HHLA1: variants seen among roughly 807,000 people sequenced by gnomAD.
HHLA1 encodes HHLA1 neighbor of OC90.
Under a neutral mutation model 69.9 loss-of-function variants are expected in HHLA1, and 72 were observed. The ratio of observed to expected loss-of-function variants is 1.03; its 90% CI spans 0.85 to 1.25. The LOEUF (loss-of-function observed/expected upper bound fraction) is 1.25, where lower values mean the gene tolerates loss of function less well. Among genes scored for constraint, HHLA1 ranks in the 50% most tolerant of loss-of-function variants. The pLI is 0.00. For missense variants in HHLA1, 685 were observed against 642.2 expected (o/e 1.07, Z -0.72); for synonymous variants, 252 against 233.2 (o/e 1.08, Z -0.73).
intron 11 of HHLA1, among the ~76,000 whole-genome samples, 200 bp from the exon 12 acceptor site, chr8:132,078,171 A>AACAC (rs34612835): frequency 0.067 from 9,701 of 144,414 alleles, 405 homozygotes; most frequent in Middle Eastern, 0.15. Flanking sequence ...AGCACCAATA[A>AACAC]ACACACACAC....
chr8:132,085,934 G>A (rs1322287827), intron 10 of HHLA1, among the ~76,000 whole-genome samples: 3 of 152,014 alleles, frequency 2.0e-5, no homozygotes, highest in Non-Finnish European at 2.9e-5. Flanking sequence ...AGTTACTTCA[G>A]GCCATCTGGG....
At chr8:132,101,580 TA>T (rs1824111656) in intron 3 of HHLA1, among the ~76,000 whole-genome samples, 1 of 118,188 alleles carries the variant, frequency 8.5e-6, no homozygotes, top group Admixed American at 9.8e-5. Flanking sequence ...TCTACCCTAT[TA>T]ATTTTTTTTT....
rs1326898631 is a variant in HHLA1, at chr8:132,077,943, C to A, written c.954G>T (p.Trp318Cys). Reference sequence around the variant, plus strand: ...CCCACGTCTGTCTGTCAGCTGTCAACCACTGAGTTCTGGCCACCCTCCTGG... The same window carrying A: ...CCCACGTCTGTCTGTCAGCTGTCAAACACTGAGTTCTGGCCACCCTCCTGG... ...LATRRVARTQ[W>C]LTADRQTWAS... Residue 318 changes from tryptophan to cysteine, a missense_variant, in exon 12 of 17, where the codon TGG (tryptophan) becomes TGT (cysteine). Trp to Cys is a radical substitution (Grantham distance 215). Coordinates refer to ENST00000414222, the MANE Select transcript of HHLA1 (RefSeq NM_001145095.3). 6 of 1,551,668 alleles carry A rather than the reference C, an allele frequency of 3.9e-6. No individual in the cohort carries two copies. The highest frequency in any genetic ancestry group is 5.2e-6 in the Non-Finnish European group (6 of 1,146,978).
At chr8:132,103,304 A>G (rs946617469) in intron 3 of HHLA1, among the ~76,000 whole-genome samples, 3 of 152,200 alleles carry the variant, frequency 2.0e-5, no homozygotes, top group Admixed American at 1.3e-4. Flanking sequence ...ATGTGAATGT[A>G]CTAATTTAAA....
At chr8:132,088,185 C>T (rs184591297) in intron 8 of HHLA1, among the ~76,000 whole-genome samples, 1 of 152,258 alleles carries the variant, frequency 6.6e-6, no homozygotes, top group Non-Finnish European at 1.5e-5. Flanking sequence ...ATTGCTTGAC[C>T]TCTTCAGGAC....
At chr8:132,076,655 G>A (rs1823650057) in intron 12 of HHLA1, 112 bp from the exon 13 acceptor site, 2 of 566,780 alleles carry the variant, frequency 3.5e-6, no homozygotes, top group South Asian at 3.5e-5. Context: ...GTTAAGCCAG[G>A]TACCAGGCAG....
Position 132,110,258 on chromosome 8 carries a change from G to A in HHLA1, c.-22+844C>T, listed in dbSNP as rs555340495. Among the ~76,000 whole-genome samples the A allele has an allele frequency of 4.6e-5, 7 of 152,246 alleles. No individual in the cohort carries two copies. In the East Asian group the frequency reaches 5.8e-4, roughly 13 times the overall value. On this transcript the variant is annotated intron_variant, in intron 1 of 16. Transcript: ENST00000414222. ...GACACATGTTCTGAGGCATTACGAC[G>A]GTCCGTTCAGCCAGTAACCTTCCAT...
chr8:132,071,679 G>C (rs1823548096), intron 14 of HHLA1, among the ~76,000 whole-genome samples, 186 bp from the exon 15 acceptor site: 1 of 151,874 alleles, frequency 6.6e-6, no homozygotes, highest in Non-Finnish European at 1.5e-5. Flanking sequence ...AGAGTCAGGT[G>C]GAAAGAAGGT....
intron 16 of HHLA1, among the ~76,000 whole-genome samples, chr8:132,064,982 T>A (rs1337289820): frequency 6.6e-6 from 1 of 152,166 alleles, no homozygotes. Flanking sequence ...TATATTTGGG[T>A]TACAGTAAGA....
At chr8:132,089,445 A>G in intron 8 of HHLA1, 71 bp downstream of exon 8, 1 of 829,616 alleles carries the variant, frequency 1.2e-6, no homozygotes, top group Non-Finnish European at 2.1e-6. Flanking sequence ...GAGGAACATA[A>G]TATGCTTCAT....
At chr8:132,109,424 TAAGCATATGAAA>T (rs1586738242) in intron 1 of HHLA1, among the ~76,000 whole-genome samples, 2 of 100,102 alleles carry the variant, frequency 2.0e-5, no homozygotes, top group East Asian at 4.9e-4. Flanking sequence ...AGGACTCCTA[TAAGCATATGAAA>T]AAAAACATTT....
At chr8:132,073,590 C>T (rs896432646) in intron 14 of HHLA1, among the ~76,000 whole-genome samples, 1 of 152,162 alleles carries the variant, frequency 6.6e-6, no homozygotes, top group Non-Finnish European at 1.5e-5. Flanking sequence ...ATCAGTTATG[C>T]AACAGGGAGT....
At chr8:132,110,751 C>A (rs935632113) in intron 1 of HHLA1, among the ~76,000 whole-genome samples, 6 of 152,168 alleles carry the variant, frequency 3.9e-5, no homozygotes, top group Admixed American at 3.9e-4. Context: ...CATTTTTTAG[C>A]GCACTCTTTT....
In HHLA1 at chr8:132,087,780, T is replaced by C. The variant is rs1327398057; in HGVS notation, c.590-41A>G. ...CAACAGGGTCAGATCTTGGGTTTCA[T>C]CTGCTGGACAGTTTTGTCTATTTCT... On this transcript the variant is annotated intron_variant, in intron 9 of 16. Coordinates refer to ENST00000414222, the MANE Select transcript of HHLA1 (RefSeq NM_001145095.3). The C allele has an allele frequency of 7.8e-6, 12 of 1,543,452 alleles. No individual in the cohort carries two copies. In the Middle Eastern group the frequency reaches 5.0e-4, roughly 65 times the overall value.
chr8:132,063,562 T>C lies in HHLA1; in HGVS notation c.*433A>G, dbSNP rs1189215571. The C allele has an allele frequency of 6.5e-6, 1 of 153,972 alleles. No homozygotes were observed. The highest frequency in any genetic ancestry group is 1.9e-4 in the East Asian group (1 of 5,270). 9.5% of individuals were successfully genotyped at this position (153,972 alleles called of 1,614,324 possible). On this transcript the variant is annotated 3_prime_UTR_variant, in exon 17 of 17. Transcript: ENST00000414222. ...ATGAATTCAATATTAATTTATGCTT[T>C]TGTTGTCTTTCAAAAGTCTCAAGTT...
intron 14 of HHLA1, among the ~76,000 whole-genome samples, chr8:132,075,259 C>T (rs957331692): frequency 6.6e-6 from 1 of 152,166 alleles, no homozygotes; most frequent in Admixed American, 6.5e-5. Context: ...GCCCTGTTGA[C>T]ATATGACTGG....
intron 1 of HHLA1, among the ~76,000 whole-genome samples, chr8:132,110,385 A>G (rs531826362): frequency 8.5e-5 from 13 of 152,204 alleles, no homozygotes; most frequent in African/African-American, 3.1e-4. Flanking sequence ...CTGGACTTCA[A>G]ACTTAGGTAG....
At chr8:132,069,133 G>C (rs1163273369) in intron 15 of HHLA1, among the ~76,000 whole-genome samples, 1 of 152,168 alleles carries the variant, frequency 6.6e-6, no homozygotes, top group African/African-American at 2.4e-5. Context: ...TCCCATCTTT[G>C]CTGCAGCTAC....
At chr8:132,086,334 C>A (rs1823862475) in intron 10 of HHLA1, among the ~76,000 whole-genome samples, 1 of 152,120 alleles carries the variant, frequency 6.6e-6, no homozygotes, top group Non-Finnish European at 1.5e-5. Context: ...CCCCAGAATG[C>A]ATGTAGAATG....
Sources: allele counts gnomAD v4.1 joint callset (sites outside exome capture counted in the v4.1 genomes callset), GRCh38; gene constraint gnomAD v4.1.1; transcripts MANE v1.5; gene names NCBI Gene and HGNC (gene_info 2026-07-23, HGNC 2026-07-21).